Variants in LRP1B observed in about 807,000 individuals in gnomAD.
The protein encoded by LRP1B is low-density lipoprotein receptor-related protein 1B.
LRP1B carries 217 observed loss-of-function variants against 556.6 expected under a neutral mutation model. That is an observed-to-expected ratio of 0.39 (90% confidence interval 0.35 to 0.44). The LOEUF (loss-of-function observed/expected upper bound fraction) is 0.44. LRP1B is among the 20% of genes least tolerant of loss of function. The pLI is 1.00. For synonymous variants in LRP1B, 2,047 were observed against 1,865.8 expected, an observed-to-expected ratio of 1.10 and a Z score of -2.50; for missense variants, 5,053 against 5,620.8, an observed-to-expected ratio of 0.90 and a Z score of 3.23.
At chr2:141,565,682 C>CGTATATG (rs1313915006) in intron 2 of LRP1B, among the ~76,000 whole-genome samples, 1 of 152,142 alleles carries the variant, frequency 6.6e-6, no homozygotes, top group Non-Finnish European at 1.5e-5. Context: ...TACGCATACG[C>CGTATATG]GTATATGAAA....
chr2:142,092,895 T>G (rs572871297), intron 1 of LRP1B, among the ~76,000 whole-genome samples: 1 of 152,214 alleles, frequency 6.6e-6, no homozygotes, highest in Admixed American at 6.6e-5. Context: ...GTTTTCCACG[T>G]TTTTCTTCAA....
chr2:141,124,913 G>A (rs1701163337), intron 7 of LRP1B, among the ~76,000 whole-genome samples: 1 of 152,116 alleles, frequency 6.6e-6, no homozygotes, highest in Admixed American at 6.6e-5. Context: ...AGTCAGCCGT[G>A]TCTGTTTTCT....
intron 52 of LRP1B, 117 bp downstream of exon 52, chr2:140,509,811 T>C (rs1219140946): frequency 2.1e-6 from 3 of 1,401,272 alleles, no homozygotes; most frequent in South Asian, 1.4e-5. Flanking sequence ...ATACTACCTA[T>C]GGGCCCAGGA....
intron 1 of LRP1B, among the ~76,000 whole-genome samples, chr2:142,068,293 A>G (rs1466680029): frequency 6.6e-6 from 1 of 151,488 alleles, no homozygotes; most frequent in Non-Finnish European, 1.5e-5. Flanking sequence ...TTTACTTCAT[A>G]TATTTTGTCT....
chr2:141,177,439 A>G (rs1272192272), intron 7 of LRP1B, among the ~76,000 whole-genome samples: 4 of 152,154 alleles, frequency 2.6e-5, no homozygotes, highest in Non-Finnish European at 5.9e-5. Context: ...GTAACTATAA[A>G]TGGAAAATGG....
intron 1 of LRP1B, among the ~76,000 whole-genome samples, chr2:142,075,995 T>C (rs183058838): frequency 6.6e-6 from 1 of 152,200 alleles, no homozygotes; most frequent in Non-Finnish European, 1.5e-5. Flanking sequence ...CTGTAAATCA[T>C]AGCTGGTCTC....
intron 18 of LRP1B, among the ~76,000 whole-genome samples, chr2:140,952,161 T>A (rs144836935): frequency 3.0e-4 from 45 of 152,282 alleles, no homozygotes; most frequent in African/African-American, 1.1e-3. Context: ...ACTGAAAGCC[T>A]AGGAGAATTA....
chr2:140,992,250 C>A (rs953544215), intron 16 of LRP1B, among the ~76,000 whole-genome samples: 1 of 151,662 alleles, frequency 6.6e-6, no homozygotes, highest in Non-Finnish European at 1.5e-5. Flanking sequence ...AAAAAAAACA[C>A]AAAAAAACCA....
At chr2:141,498,408 G>A (rs1683596026) in intron 2 of LRP1B, among the ~76,000 whole-genome samples, 1 of 149,114 alleles carries the variant, frequency 6.7e-6, no homozygotes. Flanking sequence ...TAGTTCCATA[G>A]GCTACAATTC....
chr2:140,303,232 CTTTT>C lies in LRP1B; in HGVS notation c.12806-5267_12806-5264del, dbSNP rs1270027302. ...TACCACAAAGTCATAAAAATAAACTCTTTTTTATTTGTTTGTTATTTATTTATTT... is the reference window on the plus strand; with the variant it reads ...TACCACAAAGTCATAAAAATAAACTCTTATTTGTTTGTTATTTATTTATTT... On this transcript the variant is annotated intron_variant, in intron 83 of 90. Transcript: ENST00000389484. Among the ~76,000 whole-genome samples the C allele has an allele frequency of 4.3e-5, 6 of 140,560 alleles. No individual in the cohort carries two copies. In the East Asian group the frequency reaches 8.2e-4, roughly 19 times the overall value. 92.2% of individuals were successfully genotyped at this position (140,560 alleles called of 152,430 possible). A position where few individuals can be genotyped will look rare whatever the true frequency, so the allele number is the denominator to read the frequency against.
chr2:141,207,846 T>G (rs760954037), intron 6 of LRP1B, among the ~76,000 whole-genome samples: 2 of 152,168 alleles, frequency 1.3e-5, no homozygotes, highest in Non-Finnish European at 1.5e-5. Context: ...TGGCTTATTT[T>G]TGTATATTTA....
chr2:141,271,909 A>G (rs1005701149), intron 3 of LRP1B, among the ~76,000 whole-genome samples: 2 of 152,132 alleles, frequency 1.3e-5, no homozygotes, highest in Non-Finnish European at 2.9e-5. Context: ...GGCTTATAAC[A>G]TATAGAAATG....
intron 2 of LRP1B, among the ~76,000 whole-genome samples, chr2:141,707,290 T>C (rs1692179458): frequency 6.6e-6 from 1 of 152,100 alleles, no homozygotes; most frequent in Non-Finnish European, 1.5e-5. Context: ...GCCAGGGATC[T>C]CTCTTTTCTA....
intron 3 of LRP1B, among the ~76,000 whole-genome samples, chr2:141,307,411 G>T (rs1686630784): frequency 6.6e-6 from 1 of 151,722 alleles, no homozygotes; most frequent in African/African-American, 2.4e-5. Flanking sequence ...TGTATTATCT[G>T]GTATGTGTAG....
chr2:141,642,853 C>T (rs768422211), intron 2 of LRP1B, among the ~76,000 whole-genome samples: 2 of 152,036 alleles, frequency 1.3e-5, no homozygotes, highest in Non-Finnish European at 2.9e-5. Flanking sequence ...CATTTTGTAG[C>T]GAGTCTTTTT....
At position 141,950,013 on chromosome 2, in the gene LRP1B, T is replaced by G. The variant is rs576063422; in HGVS notation, c.83-139612A>C. ...TTGGCTGATAAAAGAGTTAATAGAT[T>G]GCTAAGGAACTATCCGGTTTAAAAT... On this transcript the variant is annotated intron_variant, in intron 1 of 90. Transcript: ENST00000389484. Among the ~76,000 whole-genome samples, 19 of 152,272 alleles carry G rather than the reference T, an allele frequency of 1.2e-4. No individual in the cohort carries two copies. The South Asian group carries it at 3.1e-3, about 25-fold the overall frequency.
chr2:140,303,744 G>C (rs1384935639), intron 83 of LRP1B, among the ~76,000 whole-genome samples: 1 of 151,850 alleles, frequency 6.6e-6, no homozygotes, highest in Non-Finnish European at 1.5e-5. Context: ...GTGCCATGTT[G>C]GTGTGCTGCA....
intron 1 of LRP1B, among the ~76,000 whole-genome samples, chr2:141,990,009 C>T (rs1702301986): frequency 3.3e-5 from 5 of 152,076 alleles, no homozygotes; most frequent in Admixed American, 2.6e-4. Flanking sequence ...ATGGAATACA[C>T]ACTATTGATT....
chr2:141,843,004 A>C (rs1036414376), intron 1 of LRP1B, among the ~76,000 whole-genome samples: 2 of 152,178 alleles, frequency 1.3e-5, no homozygotes, highest in African/African-American at 4.8e-5. Context: ...CCAGCAACAA[A>C]TATTAAAACT....
Sources: gnomAD v4.1 joint callset for allele counts (sites outside exome capture counted in the v4.1 genomes callset) on GRCh38, gnomAD v4.1.1 for gene constraint, MANE v1.5 for transcripts, NCBI Gene and HGNC (gene_info 2026-07-23, HGNC 2026-07-21) for gene names.